AKAP13: variants seen among roughly 807,000 people sequenced by gnomAD.
AKAP13 encodes the protein A-kinase anchor protein 13.
AKAP13 carries 80 observed loss-of-function variants against 264.5 expected under a neutral mutation model. The observed-to-expected ratio is 0.30, with a 90% CI of 0.25 to 0.36. The LOEUF (loss-of-function observed/expected upper bound fraction) is 0.36, where lower values mean the gene tolerates loss of function less well. Ranked by LOEUF, AKAP13 falls within the 10% of genes least tolerant of loss-of-function variation. AKAP13 has a pLI of 1.00. For missense variants in AKAP13, 3,712 were observed against 3,435.2 expected (o/e 1.08, Z -2.01); for synonymous variants, 1,380 against 1,250.2 (o/e 1.10, Z -2.19).
chr15:85,552,476 A>G (rs1337927393), intron 5 of AKAP13, among the ~76,000 whole-genome samples: 1 of 152,252 alleles, frequency 6.6e-6, no homozygotes, highest in Non-Finnish European at 1.5e-5. Flanking sequence ...ATAGACATAA[A>G]TAAGGCGCAG....
chr15:85,437,341 CAA>C (rs1317043785), intron 1 of AKAP13, among the ~76,000 whole-genome samples: 6 of 152,090 alleles, frequency 3.9e-5, no homozygotes, highest in Admixed American at 1.3e-4. Flanking sequence ...GTTTACCAAC[CAA>C]AAAGAGTCCA....
At chr15:85,445,878 G>A (rs1596204696) in intron 1 of AKAP13, among the ~76,000 whole-genome samples, 1 of 152,104 alleles carries the variant, frequency 6.6e-6, no homozygotes, top group East Asian at 1.9e-4. Context: ...TGGGGTACAT[G>A]TGATATTTAA....
Position 85,745,718 on chromosome 15 carries a change from G to C in AKAP13, c.*1041G>C, listed in dbSNP as rs1404982678. The C allele has an allele frequency of 6.6e-6, 1 of 152,328 alleles. No homozygotes were observed. Among genetic ancestry groups the C allele is most frequent in the Non-Finnish European group, 1.5e-5 (1 of 68,132 alleles). The allele number at this position is 152,328 out of a possible 1,614,324, so 9.4% of individuals were successfully genotyped here. On this transcript the variant is annotated 3_prime_UTR_variant, in exon 37 of 37. Transcript: ENST00000394518. ...CCAGGCCAGGCAGAAGCTGTGCTCTGAAGCTAGGACAGCTGGCTGAGAAGT... is the reference window on the plus strand; with the variant it reads ...CCAGGCCAGGCAGAAGCTGTGCTCTCAAGCTAGGACAGCTGGCTGAGAAGT...
intron 8 of AKAP13, among the ~76,000 whole-genome samples, chr15:85,622,707 A>T (rs933028299): frequency 6.6e-6 from 1 of 152,176 alleles, no homozygotes; most frequent in African/African-American, 2.4e-5. Context: ...CGTACAGGAA[A>T]ACAGATTGGT....
In AKAP13 at chr15:85,744,722, G is replaced by A; in HGVS notation, c.*45G>A. The A allele has an allele frequency of 6.5e-7, 1 of 1,545,484 alleles. No homozygotes were observed. ...GGCAGCTGCCTCCTGATCCTGGCCAGCCCACCTCTCCTGCTGTCCCCGCGT... is the reference window on the plus strand; with the variant it reads ...GGCAGCTGCCTCCTGATCCTGGCCAACCCACCTCTCCTGCTGTCCCCGCGT... On this transcript the variant is annotated 3_prime_UTR_variant, in exon 37 of 37. Transcript: ENST00000394518.
chr15:85,731,278 T>C (rs546048651), intron 30 of AKAP13, among the ~76,000 whole-genome samples: 2 of 152,324 alleles, frequency 1.3e-5, no homozygotes, highest in East Asian at 3.9e-4. Flanking sequence ...AGGGCTGATA[T>C]TATAGGCGTG....
chr15:85,743,384 G>A (rs2089201541), intron 35 of AKAP13, 108 bp from the exon 36 acceptor site: 11 of 1,226,554 alleles, frequency 9.0e-6, no homozygotes, highest in Non-Finnish European at 1.1e-5. Flanking sequence ...GCAGAGGTGG[G>A]TAAGTACCCA....
At chr15:85,384,961 T>A (rs1047083638) in intron 1 of AKAP13, among the ~76,000 whole-genome samples, 1 of 152,156 alleles carries the variant, frequency 6.6e-6, no homozygotes, top group Non-Finnish European at 1.5e-5. Context: ...GTTCAGTGCC[T>A]GGGGAATGTG....
At chr15:85,392,730 T>TA (rs2070929268) in intron 1 of AKAP13, among the ~76,000 whole-genome samples, 1 of 152,116 alleles carries the variant, frequency 6.6e-6, no homozygotes, top group Non-Finnish European at 1.5e-5. Flanking sequence ...AATGAGTCCA[T>TA]AACAGTTCCT....
intron 9 of AKAP13, among the ~76,000 whole-genome samples, chr15:85,643,088 C>T (rs1451674219): frequency 6.6e-6 from 1 of 150,668 alleles, no homozygotes; most frequent in Non-Finnish European, 1.5e-5. Flanking sequence ...TCCCATTGAA[C>T]TAACACACTC....
chr15:85,743,024 C>G (rs532505362), intron 35 of AKAP13, among the ~76,000 whole-genome samples: 29 of 152,258 alleles, frequency 1.9e-4, no homozygotes, highest in African/African-American at 6.7e-4. Flanking sequence ...CTCTTTATCT[C>G]TGGTTTAACC....
chr15:85,390,310 C>T (rs1222982719), intron 1 of AKAP13, among the ~76,000 whole-genome samples: 1 of 152,066 alleles, frequency 6.6e-6, no homozygotes, highest in Admixed American at 6.6e-5. Flanking sequence ...TTGGGGAGGT[C>T]AGACAAGGCC....
chr15:85,435,020 T>G (rs1261872616), intron 1 of AKAP13, among the ~76,000 whole-genome samples: 3 of 148,830 alleles, frequency 2.0e-5, no homozygotes, highest in African/African-American at 7.4e-5. Flanking sequence ...ATCAAATTAC[T>G]CTGAGCTACG....
chr15:85,630,585 T>C (rs2081729334), intron 8 of AKAP13, among the ~76,000 whole-genome samples: 1 of 152,194 alleles, frequency 6.6e-6, no homozygotes, highest in African/African-American at 2.4e-5. Flanking sequence ...GTACAGTGTT[T>C]ATTATATAGA....
At chr15:85,732,633 T>G (rs1175732269) in intron 30 of AKAP13, among the ~76,000 whole-genome samples, 1 of 149,982 alleles carries the variant, frequency 6.7e-6, no homozygotes, top group African/African-American at 2.4e-5. Flanking sequence ...CTATTTCCTT[T>G]CTTTCACATT....
At chr15:85,424,837 T>C (rs967356042) in intron 1 of AKAP13, among the ~76,000 whole-genome samples, 2 of 152,200 alleles carry the variant, frequency 1.3e-5, no homozygotes, top group Non-Finnish European at 2.9e-5. Flanking sequence ...GGGTTATTCA[T>C]TGGTCTCATT....
intron 1 of AKAP13, among the ~76,000 whole-genome samples, chr15:85,399,522 A>T (rs2071305238): frequency 4.9e-5 from 6 of 121,588 alleles, no homozygotes; most frequent in African/African-American, 9.5e-5. Flanking sequence ...AAAAAAAAAA[A>T]TAAAAAAATA....
At chr15:85,497,516 G>A (rs1009638751) in intron 2 of AKAP13, among the ~76,000 whole-genome samples, 2 of 152,158 alleles carry the variant, frequency 1.3e-5, no homozygotes, top group African/African-American at 2.4e-5. Context: ...AGTAAGGCAT[G>A]GAAGAGTGTT....
intron 1 of AKAP13, among the ~76,000 whole-genome samples, chr15:85,418,436 G>A (rs1014778017): frequency 6.6e-6 from 1 of 152,168 alleles, no homozygotes; most frequent in Non-Finnish European, 1.5e-5. Context: ...GCACATCTCA[G>A]TTCAGGCTGG....
Sources: gnomAD v4.1 joint callset for allele counts (sites outside exome capture counted in the v4.1 genomes callset) on GRCh38, gnomAD v4.1.1 for gene constraint, MANE v1.5 for transcripts, NCBI Gene and HGNC (gene_info 2026-07-23, HGNC 2026-07-21) for gene names.